The following ZBTB41 variants were observed in gnomAD, a reference collection of about 807,000 sequenced individuals.
ZBTB41 encodes the protein zinc finger and BTB domain-containing protein 41.
ZBTB41 carries 42 observed loss-of-function variants against 87.6 expected under a neutral mutation model. That is an observed-to-expected ratio of 0.48 (90% CI 0.37 to 0.62). The LOEUF is 0.62. Ranked by LOEUF, ZBTB41 falls within the 20% of genes least tolerant of loss-of-function variation. The probability of loss-of-function intolerance (pLI) is 0.00; values close to 1 mark genes in which losing one functional copy is unlikely to be tolerated. For missense variants in ZBTB41, 799 were observed against 1,078.9 expected, an observed-to-expected ratio of 0.74 and a Z score of 3.63; for synonymous variants, 364 against 364.0, an observed-to-expected ratio of 1.00 and a Z score of 0.00.
intron 6 of ZBTB41, among the ~76,000 whole-genome samples, chr1:197,180,303 T>C (rs1312910588): frequency 6.6e-6 from 1 of 152,116 alleles, no homozygotes; most frequent in Non-Finnish European, 1.5e-5. Context: ...GGCTATACCA[T>C]CTAGGTTTGC....
intron 10 of ZBTB41, 52 bp downstream of exon 10, chr1:197,172,108 T>C (rs1180732689): frequency 1.8e-5 from 13 of 717,426 alleles, no homozygotes; most frequent in Admixed American, 3.9e-5. Context: ...GATTACACTA[T>C]ATATATCTCT....
At position 197,199,574 on chromosome 1, in the gene ZBTB41, A is replaced by G. The variant is rs753093370; in HGVS notation, c.900T>C (p.Ser300=). The G allele has an allele frequency of 1.2e-6, 2 of 1,606,318 alleles. No individual in the cohort carries two copies. Among genetic ancestry groups the G allele is most frequent in the Admixed American group, 3.4e-5 (2 of 58,210 alleles). The change falls in exon 2 of 11, where the codon AGT becomes AGC. Residue 300 remains serine (S), a synonymous_variant. Coordinates refer to ENST00000367405, the MANE Select transcript of ZBTB41 (RefSeq NM_194314.3). ...SDRNDSEDPG[S]EYNAEEDELE... ...GCTCATCTTCTTCAGCATTATATTC[A>G]CTTCCAGGGTCCTCAGAATCATTTC... is the stretch of plus-strand genomic sequence containing the variant.
rs1427111023 is a variant in ZBTB41 at position 197,186,254 on chromosome 1, C to T, written c.1546+2038G>A. ...AAGATAGTCTTTTTAAGAAATGGTC[C>T]TAGTACAAATGGATATCCACAGACA... On this transcript the variant is annotated intron_variant, in intron 5 of 10. Transcript: ENST00000367405. 2.7e-5 allele frequency among the ~76,000 whole-genome samples: 4 copies of T among 149,370 alleles called. No homozygotes were observed. The East Asian group carries it at 6.0e-4, about 22-fold the overall frequency.
chr1:197,183,036 C>T (rs929346722), intron 5 of ZBTB41, among the ~76,000 whole-genome samples: 2 of 151,960 alleles, frequency 1.3e-5, no homozygotes, highest in African/African-American at 4.8e-5. Context: ...TATAATATTG[C>T]TTTGAGTATT....
intron 4 of ZBTB41, among the ~76,000 whole-genome samples, chr1:197,189,271 C>T (rs937008211): frequency 9.2e-5 from 14 of 152,102 alleles, no homozygotes; most frequent in South Asian, 2.1e-4. Context: ...CCTGTAATCC[C>T]GGGAAGCACT....
chr1:197,175,941 G>A (rs556995589), intron 8 of ZBTB41: 7 of 151,986 alleles, frequency 4.6e-5, no homozygotes, highest in Admixed American at 3.9e-4. Flanking sequence ...CTGTTCTACC[G>A]TGCTCATAGA....
chr1:197,174,788 T>C (rs1243559053), intron 9 of ZBTB41, among the ~76,000 whole-genome samples: 1 of 152,038 alleles, frequency 6.6e-6, no homozygotes, highest in Non-Finnish European at 1.5e-5. Context: ...TTATTAATTA[T>C]TGTTAACTTG....
intron 10 of ZBTB41, among the ~76,000 whole-genome samples, chr1:197,169,052 C>T (rs1659415529): frequency 6.6e-6 from 1 of 151,770 alleles, no homozygotes; most frequent in Non-Finnish European, 1.5e-5. Flanking sequence ...ACGTATCTAT[C>T]AAATGGATTT....
intron 4 of ZBTB41, among the ~76,000 whole-genome samples, chr1:197,190,307 GCAGAA>G (rs1440798934): frequency 1.3e-5 from 2 of 152,118 alleles, no homozygotes; most frequent in Non-Finnish European, 2.9e-5. Flanking sequence ...CTGACAACAA[GCAGAA>G]CAGAAGAATT....
Position 197,191,757 on chromosome 1 carries a change from C to G in ZBTB41, c.1263G>C (p.Glu421Asp). The G allele has an allele frequency of 6.2e-7, 1 of 1,613,768 alleles. No homozygotes were observed. The highest frequency in any genetic ancestry group is 8.5e-7 in the Non-Finnish European group (1 of 1,179,870). ...HSNETEFHKK[E>D]HKCPYCNKLH... ...GTTTATTACAATAAGGGCACTTGTG[C>G]TCCTTCTTATGAAATTCTGTTTCAT... The change falls in exon 3 of 11, where the codon GAG becomes GAC. Residue 421 changes from glutamate to aspartate, a missense_variant. By Grantham distance (45) the Glu-to-Asp change is conservative (BLOSUM62 2). This residue lies in a region of ZBTB41 where 294 missense variants were observed against 340.1 expected (regional missense o/e 0.86). Coordinates refer to ENST00000367405, the MANE Select transcript of ZBTB41 (RefSeq NM_194314.3).
At chr1:197,180,950 G>A in intron 6 of ZBTB41, 38 bp downstream of exon 6, 1 of 1,568,852 alleles carries the variant, frequency 6.4e-7, no homozygotes, top group Non-Finnish European at 8.6e-7. Context: ...CTACATAATA[G>A]TACTAGGATT....
intron 10 of ZBTB41, among the ~76,000 whole-genome samples, chr1:197,167,203 T>C (rs1659367626): frequency 6.6e-6 from 1 of 152,134 alleles, no homozygotes; most frequent in South Asian, 2.1e-4. Context: ...TTTGAATGTT[T>C]GTTTATTTTT....
chr1:197,188,227 C>T (rs754723220), intron 5 of ZBTB41, 65 bp downstream of exon 5: 24 of 1,560,022 alleles, frequency 1.5e-5, no homozygotes, highest in Non-Finnish European at 2.1e-5. Context: ...CTATAGAAGG[C>T]TCCTCCAGCA....
rs184294161 is a variant in ZBTB41 at position 197,164,686 on chromosome 1, T to C, written c.2075-4672A>G. On this transcript the variant is annotated intron_variant, in intron 10 of 10. Transcript: ENST00000367405. ...TATATATCTAATACATATATTATAT[T>C]AGATATATAATACGTATCTAATATA... is the stretch of plus-strand genomic sequence containing the variant. Among the ~76,000 whole-genome samples the C allele has an allele frequency of 3.8e-3, 459 of 122,038 alleles. 5 individuals are homozygous for C. The highest frequency in any genetic ancestry group is 0.013 in the African/African-American group (443 of 33,940). 80.1% of individuals were successfully genotyped at this position (122,038 alleles called of 152,430 possible).
At chr1:197,168,217 A>G (rs922412888) in intron 10 of ZBTB41, among the ~76,000 whole-genome samples, 54 of 152,178 alleles carry the variant, frequency 3.5e-4, no homozygotes, top group African/African-American at 1.3e-3. Context: ...AGATAGCTAC[A>G]CTAAAAACTA....
intron 10 of ZBTB41, among the ~76,000 whole-genome samples, chr1:197,165,841 C>T (rs997000094): frequency 1.3e-5 from 2 of 152,200 alleles, no homozygotes; most frequent in African/African-American, 4.8e-5. Flanking sequence ...GTCTGCAGCT[C>T]CCAGCAAGAT....
Position 197,199,386 on chromosome 1 carries a change from C to A in ZBTB41, c.1088G>T (p.Cys363Phe). The A allele has an allele frequency of 6.3e-7, 1 of 1,578,228 alleles. No homozygotes were observed. The highest frequency in any genetic ancestry group is 1.2e-5 in the South Asian group (1 of 83,392). ...GTCAAATGTTTTATCACATTTAGGA[C>A]ACTGCAATATTTTTTTGTTGCTGTT... ...IQNSNKKILQCPKCDKTFDRI... is the reference protein window; with the variant it reads ...IQNSNKKILQFPKCDKTFDRI... Residue 363 changes from cysteine to phenylalanine, a missense_variant, in exon 2 of 11, where the codon TGT (cysteine) becomes TTT (phenylalanine). This residue lies in a region of ZBTB41 where 294 missense variants were observed against 340.1 expected (regional missense o/e 0.86). Transcript: ENST00000367405.
At chr1:197,185,480 T>C (rs1659859128) in intron 5 of ZBTB41, among the ~76,000 whole-genome samples, 1 of 152,050 alleles carries the variant, frequency 6.6e-6, no homozygotes, top group Non-Finnish European at 1.5e-5. Flanking sequence ...TTCTACTCCT[T>C]GAAAAATTAT....
chr1:197,167,393 C>T (rs1659374088), intron 10 of ZBTB41, among the ~76,000 whole-genome samples: 1 of 152,016 alleles, frequency 6.6e-6, no homozygotes, highest in African/African-American at 2.4e-5. Flanking sequence ...AGGGGTTTTG[C>T]CATGTTTCCC....
Sources: allele counts gnomAD v4.1 joint callset (sites outside exome capture counted in the v4.1 genomes callset), GRCh38; gene constraint gnomAD v4.1.1; regional missense constraint gnomAD v4.1.1; transcripts MANE v1.5; gene names NCBI Gene and HGNC (gene_info 2026-07-23, HGNC 2026-07-21).